Variants in ABCG1 observed in about 807,000 individuals in gnomAD.
ABCG1 encodes the protein ATP binding cassette subfamily G member 1, also known as ATP-binding cassette sub-family G member 1.
ABCG1 carries 29 observed loss-of-function variants against 69.2 expected under a neutral mutation model. The observed-to-expected ratio is 0.42, with a 90% CI of 0.31 to 0.57. The LOEUF (loss-of-function observed/expected upper bound fraction) is 0.57, where lower values mean the gene tolerates loss of function less well. Ranked by LOEUF, ABCG1 falls within the 20% of genes least tolerant of loss-of-function variation. The pLI, the probability that ABCG1 is intolerant of heterozygous loss-of-function variation, is 0.15. For synonymous variants in ABCG1, 370 were observed against 374.8 expected, an observed-to-expected ratio of 0.99 and a Z score of 0.15; for missense variants, 718 against 898.1, an observed-to-expected ratio of 0.80 and a Z score of 2.56.
In ABCG1 at chr21:42,291,225, G is replaced by A; in HGVS notation, c.1494+33G>A. The A allele has an allele frequency of 6.5e-7, 1 of 1,540,668 alleles. No individual in the cohort carries two copies. The highest frequency in any genetic ancestry group is 9.0e-7 in the Non-Finnish European group (1 of 1,116,032). ...AGCCAGGGGCTGGAATTTGAAACGG[G>A]GGCAAGAGTTCTCCTGTACACCCTT... is the stretch of plus-strand genomic sequence containing the variant. On this transcript the variant is annotated intron_variant, in intron 12 of 14. Coordinates refer to ENST00000398449, the MANE Select transcript of ABCG1 (RefSeq NM_016818.3). This position sits in a 1 kb window ranked among gnomAD's most constrained non-coding sequence, Gnocchi z 6.4.
At chr21:42,208,788 A>G (rs2067563521) in intron 2 of ABCG1, among the ~76,000 whole-genome samples, 1 of 152,106 alleles carries the variant, frequency 6.6e-6, no homozygotes, top group African/African-American at 2.4e-5. Context: ...AAAAGTAGTC[A>G]TGTCTTTTTT....
At chr21:42,265,770 G>T (rs2068493160) in intron 2 of ABCG1, among the ~76,000 whole-genome samples, 2 of 152,218 alleles carry the variant, frequency 1.3e-5, no homozygotes. Flanking sequence ...CTGCGAGCTG[G>T]CTCAGGACCG....
At chr21:42,211,041 C>G (rs185562218) in intron 2 of ABCG1, among the ~76,000 whole-genome samples, 5 of 150,954 alleles carry the variant, frequency 3.3e-5, no homozygotes, top group Admixed American at 2.0e-4. Flanking sequence ...CTCACTGCAA[C>G]CTCCTCCTCC....
intron 2 of ABCG1, among the ~76,000 whole-genome samples, chr21:42,232,715 G>T (rs546171458): frequency 6.6e-6 from 1 of 152,282 alleles, no homozygotes; most frequent in South Asian, 2.1e-4. Flanking sequence ...ATCTTGAAAA[G>T]TTCACGTTCT....
chr21:42,225,654 T>G lies in ABCG1; in HGVS notation c.43-17T>G, dbSNP rs747929834. On this transcript the variant is annotated splice_polypyrimidine_tract_variant and intron_variant, in intron 1 of 14. Coordinates refer to ENST00000398449, the MANE Select transcript of ABCG1 (RefSeq NM_016818.3). ...GCAGCTTATAACAGGTCTTGTTGCT[T>G]CCTCTGGTTTTTCTAGAATGCCAGC... is the stretch of plus-strand genomic sequence containing the variant. 14 of 1,611,158 alleles carry G rather than the reference T, an allele frequency of 8.7e-6. No individual in the cohort carries two copies. The Admixed American group carries it at 1.5e-4, about 17-fold the overall frequency.
At chr21:42,257,572 G>A (rs1157596475) in intron 2 of ABCG1, among the ~76,000 whole-genome samples, 1 of 152,172 alleles carries the variant, frequency 6.6e-6, no homozygotes, top group Non-Finnish European at 1.5e-5. Flanking sequence ...CGGTGACCCT[G>A]GGGAAGGACC....
At position 42,219,986 on chromosome 21, in the gene ABCG1, T is replaced by A; in HGVS notation, c.42+682T>A. The A allele has an allele frequency of 1.3e-6, 2 of 1,552,858 alleles. No homozygotes were observed. The highest frequency in any genetic ancestry group is 2.4e-5 in the South Asian group (2 of 84,132). On this transcript the variant is annotated intron_variant, in intron 1 of 14. Coordinates refer to ENST00000398449, the MANE Select transcript of ABCG1 (RefSeq NM_016818.3). The surrounding 1 kb of genome is among the most constrained non-coding windows in gnomAD (Gnocchi z 5.3). ...TGGGGACAGGGATGCGCATTTCACT[T>A]CCCCGAGCTCCGGAGAGGGATGGCG...
intron 2 of ABCG1, among the ~76,000 whole-genome samples, chr21:42,234,725 C>T (rs536280638): frequency 8.1e-4 from 124 of 152,334 alleles, no homozygotes; most frequent in Admixed American, 1.5e-3. Flanking sequence ...GCTGACTCTG[C>T]AGGCCTGTGG....
chr21:42,248,902 C>CAAAAAAA (rs71332356), intron 2 of ABCG1, among the ~76,000 whole-genome samples: 1 of 91,078 alleles, frequency 1.1e-5, no homozygotes, highest in Non-Finnish European at 2.2e-5. Context: ...AGACCTCTCT[C>CAAAAAAA]AAAAAAAAAA....
At chr21:42,277,181 C>T (rs1212578622) in intron 5 of ABCG1, among the ~76,000 whole-genome samples, 1 of 152,074 alleles carries the variant, frequency 6.6e-6, no homozygotes, top group African/African-American at 2.4e-5. Context: ...ATTCAGGAGT[C>T]GGAATGTAAT....
At position 42,225,840 on chromosome 21, in the gene ABCG1, G is replaced by A. The variant is rs750984103; in HGVS notation, c.212G>A (p.Arg71Gln). The change falls in exon 2 of 15, where the codon CGG (arginine) becomes CAG (glutamine). Residue 71 changes from arginine (R) to glutamine (Q), a missense_variant. By Grantham distance (43) the Arg-to-Gln change is conservative. Transcript: ENST00000398449. The stretch of plus-strand genomic sequence containing the variant: ...GCCCAGCGCTTCTCCTCCTTGCCTC[G>A]GAGGGCAGCTGTGAACATTGAATTC... The part of the protein sequence containing the change: ...TEAQRFSSLP[R>Q]RAAVNIEFRD... 1.4e-5 allele frequency: 22 copies of A among 1,613,824 alleles called. No homozygotes were observed. Among genetic ancestry groups the A allele is most frequent in the African/African-American group, 5.3e-5 (4 of 74,820 alleles).
In ABCG1 at chr21:42,220,017, T is replaced by TCGG. The variant is rs768217098; in HGVS notation, c.42+716_42+718dup. On this transcript the variant is annotated intron_variant, in intron 1 of 14. Transcript: ENST00000398449. ...AGCTCCGGAGAGGGATGGCGGGGTGTCGGCGAGTTCACTGCTGGACACAGT... is the reference window on the plus strand; with the variant it reads ...AGCTCCGGAGAGGGATGGCGGGGTGTCGGCGGCGAGTTCACTGCTGGACACAGT... The TCGG allele has an allele frequency of 7.7e-6, 12 of 1,553,198 alleles. No homozygotes were observed. The Admixed American group carries it at 2.3e-4, about 30-fold the overall frequency.
chr21:42,283,139 G>A (rs573134268), intron 6 of ABCG1, among the ~76,000 whole-genome samples: 3 of 152,180 alleles, frequency 2.0e-5, no homozygotes. Flanking sequence ...ACTTTACGTT[G>A]TCTCATTTCT....
chr21:42,223,460 C>T (rs2067763473), intron 1 of ABCG1, among the ~76,000 whole-genome samples: 1 of 152,086 alleles, frequency 6.6e-6, no homozygotes, highest in Non-Finnish European at 1.5e-5. Flanking sequence ...AGAAGCAGAT[C>T]ATAGGCACAC....
chr21:42,285,116 C>T (rs554109781), intron 7 of ABCG1, among the ~76,000 whole-genome samples: 67 of 152,118 alleles, frequency 4.4e-4, no homozygotes, highest in African/African-American at 1.6e-3. Context: ...TTCATCACCT[C>T]CCCTGTTAAA....
intron 2 of ABCG1, among the ~76,000 whole-genome samples, chr21:42,236,213 G>A (rs900151643): frequency 6.6e-5 from 10 of 152,250 alleles, no homozygotes; most frequent in African/African-American, 2.4e-4. Context: ...AGATCATGCG[G>A]CAAGGTCACG....
In ABCG1 at chr21:42,296,789, G is replaced by C; in HGVS notation, c.*397G>C. The stretch of plus-strand genomic sequence containing the variant: ...GCAAGCAGCCTCTCAGCTGATGGCT[G>C]CACAGTCAGATGTCTGGTGGCAGAG... On this transcript the variant is annotated 3_prime_UTR_variant, in exon 15 of 15. Transcript: ENST00000398449. The surrounding 1 kb of genome is among the most constrained non-coding windows in gnomAD (Gnocchi z 5.4). 4.0e-6 allele frequency: 1 copy of C among 247,742 alleles called. No individual in the cohort carries two copies. The allele number at this position is 247,742 out of a possible 1,614,324, so 15.3% of individuals were successfully genotyped here. A position where few individuals can be genotyped will look rare whatever the true frequency, so the allele number is the denominator to read the frequency against.
chr21:42,258,931 G>A (rs899178379), intron 2 of ABCG1, among the ~76,000 whole-genome samples: 3 of 152,226 alleles, frequency 2.0e-5, no homozygotes, highest in African/African-American at 7.2e-5. Context: ...CTTCTCATGT[G>A]AGGGGAGTTT....
chr21:42,256,451 G>A (rs1445224306), intron 2 of ABCG1: 4 of 1,549,536 alleles, frequency 2.6e-6, no homozygotes, highest in South Asian at 2.4e-5. Context: ...AGAGGCCGCA[G>A]AGTATCCACA....
Sources: gnomAD v4.1 joint callset for allele counts (sites outside exome capture counted in the v4.1 genomes callset) on GRCh38, gnomAD v4.1.1 for gene constraint, Gnocchi (gnomAD v3.1) non-coding constraint, MANE v1.5 for transcripts, NCBI Gene and HGNC (gene_info 2026-07-23, HGNC 2026-07-21) for gene names.